The following LIPC variants were observed in gnomAD, a reference collection of about 807,000 sequenced individuals.
The protein encoded by LIPC is hepatic triacylglycerol lipase.
Under a neutral mutation model 50.7 loss-of-function variants are expected in LIPC, and 44 were observed. The ratio of observed to expected loss-of-function variants is 0.87; its 90% CI spans 0.68 to 1.11. LIPC has a LOEUF of 1.11. LIPC is among the 50% of genes most tolerant of loss of function. The pLI is 0.00. For synonymous variants in LIPC, 271 were observed against 256.4 expected (o/e 1.06, Z -0.54); for missense variants, 697 against 648.2 (o/e 1.08, Z -0.82).
intron 1 of LIPC, among the ~76,000 whole-genome samples, chr15:58,496,652 C>A (rs1468822766): frequency 6.6e-6 from 1 of 150,692 alleles, no homozygotes; most frequent in East Asian, 2.0e-4. Context: ...AGACTAACTC[C>A]GAATACCTTA....
At chr15:58,547,839 C>T (rs1053128644) in intron 5 of LIPC, among the ~76,000 whole-genome samples, 2 of 151,974 alleles carry the variant, frequency 1.3e-5, no homozygotes, top group African/African-American at 2.4e-5. Context: ...TTCTCCAGAC[C>T]ATCAGAGTGC....
chr15:58,481,767 C>G (rs556170714), intron 1 of LIPC, among the ~76,000 whole-genome samples: 132 of 152,318 alleles, frequency 8.7e-4, no homozygotes, highest in African/African-American at 3.1e-3. Context: ...CCACTGCACT[C>G]CAGCCTGGCC....
At chr15:58,563,783 C>A in intron 8 of LIPC, 60 bp downstream of exon 8, 1 of 1,369,280 alleles carries the variant, frequency 7.3e-7, no homozygotes, top group Non-Finnish European at 1.0e-6. Flanking sequence ...GCCAGGCAGT[C>A]TCACAATTTA....
At chr15:58,493,517 A>G (rs1891656629) in intron 1 of LIPC, among the ~76,000 whole-genome samples, 1 of 150,816 alleles carries the variant, frequency 6.6e-6, no homozygotes, top group Non-Finnish European at 1.5e-5. Context: ...ACACACCTAG[A>G]AAAAAAGTAT....
At chr15:58,565,474 T>A (rs1386603892) in intron 8 of LIPC, 1 of 1,404,958 alleles carries the variant, frequency 7.1e-7, no homozygotes, top group Non-Finnish European at 9.2e-7. Context: ...CTTCCAGGGC[T>A]CCCACACGGG....
chr15:58,537,808 A>C (rs1462341059), intron 1 of LIPC, among the ~76,000 whole-genome samples: 1 of 152,020 alleles, frequency 6.6e-6, no homozygotes, highest in Non-Finnish European at 1.5e-5. Flanking sequence ...TCACCCCTGT[A>C]CCTTGTCCCT....
At chr15:58,465,823 C>G (rs1474095401) in intron 1 of LIPC, among the ~76,000 whole-genome samples, 2 of 152,172 alleles carry the variant, frequency 1.3e-5, no homozygotes. Flanking sequence ...GTCTTCTCTA[C>G]TCTCTCTGGT....
In LIPC at chr15:58,520,112, GT is replaced by G. The variant is rs10631480; in HGVS notation, c.89-18211del. ...TTTTCGGCACCTCAGGTTTTGGGCT[GT>G]TTTTTTTTTGTTTTTTTTTTAATCT... On this transcript the variant is annotated intron_variant, in intron 1 of 8. Transcript: ENST00000299022. 6.5e-5 allele frequency among the ~76,000 whole-genome samples: 8 copies of G among 123,508 alleles called. 1 individual carries two copies. Among genetic ancestry groups the G allele is most frequent in the African/African-American group, 2.3e-4 (7 of 30,340 alleles). The allele number at this position is 123,508 out of a possible 152,430, so 81.0% of individuals were successfully genotyped here.
intron 1 of LIPC, among the ~76,000 whole-genome samples, chr15:58,444,526 G>A (rs776734466): frequency 7.2e-5 from 11 of 152,174 alleles, no homozygotes; most frequent in Non-Finnish European, 1.3e-4. Context: ...TTCTGGAAGT[G>A]AGAAGTCTGA....
At chr15:58,542,724 C>A in intron 4 of LIPC, 73 bp downstream of exon 4, 2 of 968,756 alleles carry the variant, frequency 2.1e-6, no homozygotes, top group Admixed American at 1.7e-5. Flanking sequence ...GCTTTTCCAA[C>A]AGGCTCATCA....
At chr15:58,520,778 C>T (rs1892630811) in intron 1 of LIPC, among the ~76,000 whole-genome samples, 1 of 152,196 alleles carries the variant, frequency 6.6e-6, no homozygotes, top group Non-Finnish European at 1.5e-5. Context: ...TACGACACTT[C>T]CCATATTTAT....
chr15:58,468,512 C>T lies in LIPC; in HGVS notation c.88+36392C>T, dbSNP rs564184934. Among the ~76,000 whole-genome samples, 21 of 152,272 alleles carry T rather than the reference C, an allele frequency of 1.4e-4. No homozygotes were observed. The East Asian group carries it at 3.9e-3, about 28-fold the overall frequency. On this transcript the variant is annotated intron_variant, in intron 1 of 8. Coordinates refer to ENST00000299022, the MANE Select transcript of LIPC (RefSeq NM_000236.3). Reference sequence around the variant, plus strand: ...AAAGCTCCATGGAATACTAATTTGCCTTTGGATCTAGCCCTGCCGCCCACT... The same window carrying T: ...AAAGCTCCATGGAATACTAATTTGCTTTTGGATCTAGCCCTGCCGCCCACT...
intron 1 of LIPC, among the ~76,000 whole-genome samples, chr15:58,536,245 G>C (rs922420804): frequency 6.6e-6 from 1 of 152,114 alleles, no homozygotes; most frequent in African/African-American, 2.4e-5. Flanking sequence ...AGGTGCAAAG[G>C]TACCGGCATC....
At chr15:58,567,709 A>AT (rs1176084851) in intron 8 of LIPC, among the ~76,000 whole-genome samples, 6 of 150,446 alleles carry the variant, frequency 4.0e-5, no homozygotes, top group African/African-American at 1.5e-4. Context: ...ACTTCTACCT[A>AT]CTGATATGAG....
At chr15:58,499,817 A>G (rs1251216841) in intron 1 of LIPC, among the ~76,000 whole-genome samples, 2 of 152,216 alleles carry the variant, frequency 1.3e-5, no homozygotes, top group African/African-American at 4.8e-5. Context: ...GAAGTGGTCT[A>G]GGAAAACTGT....
chr15:58,473,209 G>A (rs1302569080), intron 1 of LIPC, among the ~76,000 whole-genome samples: 1 of 152,132 alleles, frequency 6.6e-6, no homozygotes, highest in Non-Finnish European at 1.5e-5. Flanking sequence ...ATGCTGCCAG[G>A]GTGGGTTTTA....
chr15:58,442,890 C>T (rs1257843339), intron 1 of LIPC, among the ~76,000 whole-genome samples: 1 of 152,134 alleles, frequency 6.6e-6, no homozygotes, highest in Non-Finnish European at 1.5e-5. Context: ...GTATCTGAGC[C>T]TTCAGAGATA....
intron 1 of LIPC, among the ~76,000 whole-genome samples, chr15:58,471,817 A>G (rs1016735654): frequency 3.9e-5 from 6 of 152,108 alleles, no homozygotes; most frequent in African/African-American, 9.7e-5. Context: ...CCCAATCACA[A>G]CTGCCCTTAC....
intron 1 of LIPC, among the ~76,000 whole-genome samples, chr15:58,510,965 G>A (rs1892311039): frequency 6.6e-6 from 1 of 152,182 alleles, no homozygotes; most frequent in Non-Finnish European, 1.5e-5. Flanking sequence ...GTCACGTGAT[G>A]ACGTCTCATT....
Sources: allele counts gnomAD v4.1 joint callset (sites outside exome capture counted in the v4.1 genomes callset), GRCh38; gene constraint gnomAD v4.1.1; transcripts MANE v1.5; gene names NCBI Gene and HGNC (gene_info 2026-07-23, HGNC 2026-07-21).